The following EYS variants were observed in gnomAD, a reference collection of about 807,000 sequenced individuals.
The protein encoded by EYS is EGF-like photoreceptor maintenance factor, also known as protein eyes shut homolog.
In EYS, 250 loss-of-function variants were observed where a neutral mutation model predicts 282.1. The observed-to-expected ratio is 0.89, with a 90% CI of 0.80 to 0.98. The LOEUF (loss-of-function observed/expected upper bound fraction) is 0.98. Among genes scored for constraint, EYS ranks in the 50% least tolerant of loss-of-function variants. The probability of loss-of-function intolerance (pLI) is 0.00; values close to 1 mark genes in which losing one functional copy is unlikely to be tolerated. For missense variants in EYS, 4,016 were observed against 3,709.0 expected, an observed-to-expected ratio of 1.08 and a Z score of -2.15; for synonymous variants, 1,355 against 1,282.9, an observed-to-expected ratio of 1.06 and a Z score of -1.20.
chr6:64,616,079 AT>A (rs1413285086), intron 24 of EYS, among the ~76,000 whole-genome samples: 1 of 152,114 alleles, frequency 6.6e-6, no homozygotes, highest in Middle Eastern at 3.2e-3. Context: ...TTGGTAGTAA[AT>A]TATTTGTTTT....
chr6:64,022,469 T>C (rs937169131), intron 33 of EYS, among the ~76,000 whole-genome samples: 2 of 152,230 alleles, frequency 1.3e-5, no homozygotes, highest in African/African-American at 4.8e-5. Flanking sequence ...TAAGTACTTT[T>C]ATAATGTTAT....
chr6:65,029,992 T>C (rs536394697), intron 13 of EYS, among the ~76,000 whole-genome samples: 1 of 152,218 alleles, frequency 6.6e-6, no homozygotes, highest in Admixed American at 6.5e-5. Context: ...ATGGCCACCA[T>C]GGACATTTGA....
At chr6:64,300,360 A>G (rs938802657) in intron 30 of EYS, among the ~76,000 whole-genome samples, 7 of 152,176 alleles carry the variant, frequency 4.6e-5, no homozygotes, top group African/African-American at 1.2e-4. Flanking sequence ...TGGGCAGCCC[A>G]TGGCAAAATT....
At chr6:64,682,052 T>G (rs545562311) in intron 22 of EYS, among the ~76,000 whole-genome samples, 2 of 152,160 alleles carry the variant, frequency 1.3e-5, no homozygotes, top group South Asian at 4.1e-4. Context: ...GCAGTTAATA[T>G]TCTCTCAACC....
At chr6:64,853,746 T>G (rs1290568103) in intron 19 of EYS, among the ~76,000 whole-genome samples, 1 of 151,928 alleles carries the variant, frequency 6.6e-6, no homozygotes, top group African/African-American at 2.4e-5. Flanking sequence ...AAGCCAAAAT[T>G]GACAAATGGG....
At chr6:64,589,697 T>G (rs17217959) in intron 26 of EYS, among the ~76,000 whole-genome samples, 1 of 151,950 alleles carries the variant, frequency 6.6e-6, no homozygotes, top group African/African-American at 2.4e-5. Flanking sequence ...AATAAAATAC[T>G]TGAAATTAAC....
Position 64,967,938 on chromosome 6 carries a change from A to G in EYS, c.2260-22024T>C, listed in dbSNP as rs373789585. Among the ~76,000 whole-genome samples, 5 of 152,178 alleles carry G rather than the reference A, an allele frequency of 3.3e-5. No homozygotes were observed. The East Asian group carries it at 9.6e-4, about 29-fold the overall frequency. ...TCAACATGAATTTGGGCATGTGAAA[A>G]GTACTGTGCCCAGTTCATCTTTGTA... is the stretch of plus-strand genomic sequence containing the variant. On this transcript the variant is annotated intron_variant, in intron 14 of 42. Transcript: ENST00000503581.
intron 26 of EYS, among the ~76,000 whole-genome samples, chr6:64,451,963 C>T (rs906499919): frequency 6.6e-6 from 1 of 152,160 alleles, no homozygotes; most frequent in East Asian, 1.9e-4. Flanking sequence ...CAGGGATGCC[C>T]TCTCTCACCA....
chr6:65,146,897 G>A (rs1371492327), intron 12 of EYS, among the ~76,000 whole-genome samples: 1 of 151,848 alleles, frequency 6.6e-6, no homozygotes, highest in East Asian at 1.9e-4. Context: ...GTATATGGGT[G>A]TCTTTTTTCT....
intron 31 of EYS, among the ~76,000 whole-genome samples, chr6:64,151,301 G>A (rs537982256): frequency 7.8e-4 from 79 of 101,442 alleles, no homozygotes; most frequent in African/African-American, 3.6e-3. Context: ...GTTTTCACAC[G>A]TGTGTGTGTG....
At chr6:65,542,309 G>T (rs951629579) in intron 2 of EYS, among the ~76,000 whole-genome samples, 3 of 151,956 alleles carry the variant, frequency 2.0e-5, no homozygotes, top group Admixed American at 6.6e-5. Flanking sequence ...ACTCAGACTT[G>T]ATAGTTTACA....
Position 65,426,892 on chromosome 6 carries a change from ATGT to A in EYS, c.863-21528_863-21526del, listed in dbSNP as rs531944877. 4.7e-3 allele frequency among the ~76,000 whole-genome samples: 708 copies of A among 152,212 alleles called. 6 individuals carry two copies. The highest frequency in any genetic ancestry group is 0.016 in the African/African-American group (671 of 41,554). On this transcript the variant is annotated intron_variant, in intron 5 of 42. Transcript: ENST00000503581. The stretch of plus-strand genomic sequence containing the variant: ...GAATCTTTTGTTTACATACATGGAA[ATGT>A]TGTGGCTTGATTTAAACTTTATGGA...
At chr6:64,259,565 A>G (rs183331150) in intron 30 of EYS, among the ~76,000 whole-genome samples, 82 of 151,894 alleles carry the variant, frequency 5.4e-4, no homozygotes, top group Admixed American at 2.6e-4. Flanking sequence ...CCTAACTTTG[A>G]TATGTGTGCC....
At chr6:64,102,247 A>G (rs919476045) in intron 31 of EYS, among the ~76,000 whole-genome samples, 5 of 152,222 alleles carry the variant, frequency 3.3e-5, no homozygotes, top group Non-Finnish European at 7.3e-5. Context: ...CAAGTATTTC[A>G]AAGTGTGGGT....
intron 31 of EYS, among the ~76,000 whole-genome samples, chr6:64,193,599 C>T (rs1562247001): frequency 6.6e-6 from 1 of 152,062 alleles, no homozygotes; most frequent in Non-Finnish European, 1.5e-5. Flanking sequence ...GTACTGCACC[C>T]GTTAACTCAT....
chr6:64,121,494 G>A (rs1000365343), intron 31 of EYS, among the ~76,000 whole-genome samples: 1 of 152,218 alleles, frequency 6.6e-6, no homozygotes, highest in African/African-American at 2.4e-5. Flanking sequence ...TAAAAGCTGG[G>A]ACTCATAACC....
chr6:64,555,042 C>T (rs140630867), intron 26 of EYS, among the ~76,000 whole-genome samples: 51 of 152,052 alleles, frequency 3.4e-4, no homozygotes, highest in African/African-American at 1.2e-3. Flanking sequence ...GAAAGGAAAT[C>T]AGTACGTCAA....
At chr6:64,345,160 A>C (rs568782648) in intron 29 of EYS, among the ~76,000 whole-genome samples, 115 of 152,290 alleles carry the variant, frequency 7.6e-4, no homozygotes, top group Admixed American at 1.3e-3. Context: ...ATCCCCATCA[A>C]GCTACCAATG....
At chr6:64,657,291 G>T (rs1021171083) in intron 22 of EYS, among the ~76,000 whole-genome samples, 4 of 152,116 alleles carry the variant, frequency 2.6e-5, no homozygotes, top group Admixed American at 2.0e-4. Flanking sequence ...ACACTGATGG[G>T]TCTTGACTTT....
Sources: gnomAD v4.1 joint callset for allele counts (sites outside exome capture counted in the v4.1 genomes callset) on GRCh38, gnomAD v4.1.1 for gene constraint, MANE v1.5 for transcripts, NCBI Gene and HGNC (gene_info 2026-07-23, HGNC 2026-07-21) for gene names.